The following GPLD1 variants were observed in gnomAD, a reference collection of about 807,000 sequenced individuals.
The protein encoded by GPLD1 is glycosylphosphatidylinositol specific phospholipase D1, also known as phosphatidylinositol-glycan-specific phospholipase D.
GPLD1 carries 84 observed loss-of-function variants against 112.6 expected under a neutral mutation model. The observed-to-expected ratio is 0.75, with a 90% CI of 0.63 to 0.89. GPLD1 has a LOEUF of 0.89. Among genes scored for constraint, GPLD1 ranks in the 40% least tolerant of loss-of-function variants. The pLI is 0.00. For missense variants in GPLD1, 1,044 were observed against 1,051.5 expected (o/e 0.99, Z 0.10); for synonymous variants, 386 against 403.8 (o/e 0.96, Z 0.53).
chr6:24,437,201 A>C lies in GPLD1; in HGVS notation c.2109T>G (p.Pro703=). 1 of 1,614,108 alleles carries C rather than the reference A, an allele frequency of 6.2e-7. No individual in the cohort carries two copies. The highest frequency in any genetic ancestry group is 1.3e-5 in the African/African-American group (1 of 75,062). ...RMYALTSDAQ[P]LLLSTFSGDR... ...CTCCGCTGAAGGTGCTGAGCAGCAGAGGCTGCGCGTCAGATGTGAGTGCGT... is the reference window on the plus strand; with the variant it reads ...CTCCGCTGAAGGTGCTGAGCAGCAGCGGCTGCGCGTCAGATGTGAGTGCGT... The change falls in exon 21 of 25, where the codon CCT becomes CCG. Residue 703 remains proline (P), a synonymous_variant. Transcript: ENST00000230036.
chr6:24,458,044 T>C (rs1054532887), intron 12 of GPLD1, among the ~76,000 whole-genome samples: 1 of 151,584 alleles, frequency 6.6e-6, no homozygotes, highest in African/African-American at 2.4e-5. Flanking sequence ...ATGTGGTTAC[T>C]GCAGAGACAA....
chr6:24,465,352 G>T (rs1422148849), intron 10 of GPLD1, among the ~76,000 whole-genome samples: 2 of 151,802 alleles, frequency 1.3e-5, no homozygotes, highest in Non-Finnish European at 2.9e-5. Context: ...ACCAGCCTGG[G>T]CAACATGGTA....
At chr6:24,489,733 G>T (rs73728135), upstream of GPLD1, 4 of 657,920 alleles carry the variant, frequency 6.1e-6, no homozygotes, top group East Asian at 6.2e-5. Context: ...GTGCTCCTGG[G>T]GGGTGGGGTT....
At chr6:24,467,135 C>A in intron 8 of GPLD1, 32 bp downstream of exon 8, 1 of 1,287,218 alleles carries the variant, frequency 7.8e-7, no homozygotes, top group South Asian at 1.2e-5. Flanking sequence ...ACAACAAAAT[C>A]AGCTGCAAAT....
intron 12 of GPLD1, among the ~76,000 whole-genome samples, chr6:24,457,832 C>G (rs559170332): frequency 6.6e-6 from 1 of 151,364 alleles, no homozygotes; most frequent in Non-Finnish European, 1.5e-5. Context: ...GAGATCGTGC[C>G]GCTGCACGCT....
Position 24,466,838 on chromosome 6 carries a change from A to G in GPLD1, c.682-19T>C, listed in dbSNP as rs936359881. On this transcript the variant is annotated intron_variant, in intron 9 of 24. Coordinates refer to ENST00000230036, the MANE Select transcript of GPLD1 (RefSeq NM_001503.4). ...GATATAACTATGGCAGAGAGAAAGA[A>G]AAAATAAAATGAATATGGTACTATT... 5 of 1,605,942 alleles carry G rather than the reference A, an allele frequency of 3.1e-6. No individual in the cohort carries two copies. The highest frequency in any genetic ancestry group is 2.7e-5 in the African/African-American group (2 of 74,734).
upstream of GPLD1, among the ~76,000 whole-genome samples, chr6:24,494,095 G>A (rs749029165): frequency 7.2e-5 from 11 of 152,162 alleles, no homozygotes; most frequent in Non-Finnish European, 1.3e-4. Context: ...CTTATACCTT[G>A]GTTGATTCAA....
upstream of GPLD1, among the ~76,000 whole-genome samples, chr6:24,493,635 TC>T (rs1484926313): frequency 6.6e-6 from 1 of 152,236 alleles, no homozygotes. Flanking sequence ...TCCCTGGTTC[TC>T]CCCAGTTCCT....
At chr6:24,447,003 T>C in intron 17 of GPLD1, 24 bp from the exon 18 acceptor site, 6 of 1,604,766 alleles carry the variant, frequency 3.7e-6, no homozygotes, top group Non-Finnish European at 5.1e-6. Context: ...CTCATCCTTT[T>C]TACTAATACT....
At chr6:24,492,325 T>G (rs1764577125), upstream of GPLD1, among the ~76,000 whole-genome samples, 1 of 151,708 alleles carries the variant, frequency 6.6e-6, no homozygotes, top group African/African-American at 2.4e-5. Context: ...GCCAACATGG[T>G]GAAACCCCAT....
chr6:24,481,226 T>C (rs1422168124), intron 2 of GPLD1, among the ~76,000 whole-genome samples: 2 of 152,126 alleles, frequency 1.3e-5, no homozygotes, highest in Non-Finnish European at 2.9e-5. Flanking sequence ...AGCAGTGAAT[T>C]CTCTAATTCC....
At chr6:24,475,782 C>T (rs1408411121) in intron 4 of GPLD1, among the ~76,000 whole-genome samples, 5 of 147,898 alleles carry the variant, frequency 3.4e-5, no homozygotes, top group Non-Finnish European at 6.0e-5. Context: ...GGCATGAACC[C>T]GGGAGGTGGA....
At chr6:24,443,410 C>T (rs1029175804) in intron 20 of GPLD1, among the ~76,000 whole-genome samples, 1 of 152,056 alleles carries the variant, frequency 6.6e-6, no homozygotes, top group African/African-American at 2.4e-5. Flanking sequence ...ACAAGAAACA[C>T]GGCACTTGGG....
At chr6:24,478,743 G>T (rs1162144626) in intron 3 of GPLD1, among the ~76,000 whole-genome samples, 2 of 135,072 alleles carry the variant, frequency 1.5e-5, no homozygotes, top group African/African-American at 2.9e-5. Flanking sequence ...GCTCTCAAGT[G>T]GTCCTCTTCA....
At chr6:24,443,084 G>A (rs1762797181) in intron 20 of GPLD1, among the ~76,000 whole-genome samples, 1 of 152,178 alleles carries the variant, frequency 6.6e-6, no homozygotes. Context: ...GTGGCTGACT[G>A]CTATGGTTAC....
exon 1 of GPLD1, chr6:24,495,004 C>G: frequency 7.6e-7 from 1 of 1,320,248 alleles, no homozygotes; most frequent in Non-Finnish European, 9.6e-7. Context: ...GCCATGGCGA[C>G]CTGCATTTGG....
At chr6:24,460,009 C>T (rs1291521479) in intron 12 of GPLD1, among the ~76,000 whole-genome samples, 1 of 152,210 alleles carries the variant, frequency 6.6e-6, no homozygotes, top group Admixed American at 6.5e-5. Flanking sequence ...AGCAATCCTC[C>T]TGCCTTAGCC....
chr6:24,458,043 CT>C (rs1173561609), intron 12 of GPLD1, among the ~76,000 whole-genome samples: 3 of 151,574 alleles, frequency 2.0e-5, no homozygotes, highest in African/African-American at 7.3e-5. Flanking sequence ...AATGTGGTTA[CT>C]GCAGAGACAA....
At chr6:24,489,315 G>A (rs754684828) in intron 1 of GPLD1, 100 bp downstream of exon 1, 1 of 883,612 alleles carries the variant, frequency 1.1e-6, no homozygotes, top group Non-Finnish European at 1.8e-6. Flanking sequence ...GTGCCCAGGG[G>A]AAACTGTATC....
Sources: gnomAD v4.1 joint callset for allele counts (sites outside exome capture counted in the v4.1 genomes callset) on GRCh38, gnomAD v4.1.1 for gene constraint, MANE v1.5 for transcripts, NCBI Gene and HGNC (gene_info 2026-07-23, HGNC 2026-07-21) for gene names.